Variants in CASKIN1 observed in about 807,000 individuals in gnomAD.
The protein encoded by CASKIN1 is CASK interacting protein 1, also known as caskin-1.
In CASKIN1, 42 loss-of-function variants were observed where a neutral mutation model predicts 117.5. That is an observed-to-expected ratio of 0.36 (90% CI 0.28 to 0.46). The LOEUF is 0.46. Among genes scored for constraint, CASKIN1 ranks in the 20% least tolerant of loss-of-function variants. The pLI, the probability that CASKIN1 is intolerant of heterozygous loss-of-function variation, is 1.00. For missense variants in CASKIN1, 2,083 were observed against 2,077.3 expected, an observed-to-expected ratio of 1.00 and a Z score of -0.05; for synonymous variants, 1,148 against 961.7, an observed-to-expected ratio of 1.19 and a Z score of -3.59.
intron 1 of CASKIN1, 129 bp from the exon 2 acceptor site, chr16:2,190,487 T>TCACTCGTC: frequency 1.2e-6 from 1 of 817,168 alleles, no homozygotes; most frequent in Non-Finnish European, 2.0e-6. Flanking sequence ...CTGCAGACAC[T>TCACTCGTC]CACTCGTCCA....
At chr16:2,194,159 GA>G (rs937861394) in intron 1 of CASKIN1, among the ~76,000 whole-genome samples, 2 of 152,210 alleles carry the variant, frequency 1.3e-5, no homozygotes, top group African/African-American at 4.8e-5. Flanking sequence ...TAGAAGGTGA[GA>G]GGGGGATGGG....
intron 10 of CASKIN1, 92 bp from the exon 11 acceptor site, chr16:2,185,500 C>G (rs941266014): frequency 9.3e-7 from 1 of 1,072,536 alleles, no homozygotes; most frequent in Admixed American, 2.8e-5. Context: ...CAGCCACAGC[C>G]GGGGGTCCTC....
rs2093157999 is a variant in CASKIN1 at position 2,179,370 on chromosome 16, CG to C, written c.3776-46del. ...GGCACCGAGCGGGCACGAGTTCCGCCGCCGCGCCCCCTGCCCCAGCCTCCCG... is the reference window on the plus strand; with the variant it reads ...GGCACCGAGCGGGCACGAGTTCCGCCCCGCGCCCCCTGCCCCAGCCTCCCG... On this transcript the variant is annotated intron_variant, in intron 18 of 19. Transcript: ENST00000343516. The surrounding 1 kb of genome is among the most constrained non-coding windows in gnomAD (Gnocchi z 5.8). 1.1e-5 allele frequency: 14 copies of C among 1,329,122 alleles called. No homozygotes were observed. Among genetic ancestry groups the C allele is most frequent in the Non-Finnish European group, 1.3e-5 (14 of 1,046,056 alleles). The allele number at this position is 1,329,122 out of a possible 1,614,324, so 82.3% of individuals were successfully genotyped here. A position where few individuals can be genotyped will look rare whatever the true frequency, so the allele number is the denominator to read the frequency against.
chr16:2,180,888 G>T lies in CASKIN1; in HGVS notation c.2480C>A (p.Pro827Gln). The T allele has an allele frequency of 6.9e-7, 1 of 1,439,342 alleles. No individual in the cohort carries two copies. The allele number at this position is 1,439,342 out of a possible 1,614,324, so 89.2% of individuals were successfully genotyped here. Residue 827 changes from proline (P) to glutamine (Q), a missense_variant, in exon 18 of 20, where the codon CCG (proline) becomes CAG (glutamine). Pro to Gln is a moderately conservative substitution (Grantham distance 76). Coordinates refer to ENST00000343516, the MANE Select transcript of CASKIN1 (RefSeq NM_020764.4). ...CACGTAGGCAAAGCCGCGGTGCGTC[G>T]GTGACTGAGGCAGGGAGCGGGGTGA... ...PMSPRSLPQS[P>Q]THRGFAYVLP...
rs775900725 is a variant in CASKIN1 at position 2,180,179 on chromosome 16, G to A, written c.3189C>T (p.Arg1063=). ...CGGTGACTGGCCCGCTGAGCGTGCG[G>A]CGCCGGTTCACCACCTCCCCGCCAG... ...IGPGGEVVNR[R]RTLSGPVTGL... The change falls in exon 18 of 20, where the codon CGC becomes CGT. Residue 1063 remains arginine, a synonymous_variant. Transcript: ENST00000343516. 5 of 1,550,302 alleles carry A rather than the reference G, an allele frequency of 3.2e-6. No homozygotes were observed. The highest frequency in any genetic ancestry group is 1.9e-5 in the Admixed American group (1 of 51,412).
In CASKIN1 at chr16:2,180,757, C is replaced by T. The variant is rs1326277251; in HGVS notation, c.2611G>A (p.Ala871Thr). Residue 871 changes from alanine to threonine, a missense_variant, in exon 18 of 20, where the codon GCG becomes ACG. By Grantham distance (58) the Ala-to-Thr change is moderately conservative. Coordinates refer to ENST00000343516, the MANE Select transcript of CASKIN1 (RefSeq NM_020764.4). ...PTLCLPPEADAEPGRPKKRAH... is the reference protein window; with the variant it reads ...PTLCLPPEADTEPGRPKKRAH... ...CGCTTCTTGGGCCGCCCCGGCTCCGCGTCGGCCTCAGGGGGCAGGCACAGT... is the reference window on the plus strand; with the variant it reads ...CGCTTCTTGGGCCGCCCCGGCTCCGTGTCGGCCTCAGGGGGCAGGCACAGT... 2.2e-5 allele frequency: 32 copies of T among 1,435,254 alleles called. No homozygotes were observed. Among genetic ancestry groups the T allele is most frequent in the Admixed American group, 8.5e-5 (3 of 35,170 alleles). The allele number at this position is 1,435,254 out of a possible 1,614,324, so 88.9% of individuals were successfully genotyped here.
chr16:2,194,130 G>A (rs1406696944), intron 1 of CASKIN1, among the ~76,000 whole-genome samples: 2 of 152,180 alleles, frequency 1.3e-5, no homozygotes, highest in African/African-American at 2.4e-5. Flanking sequence ...AGGCTAGAAG[G>A]GAGCTACTAG....
rs771832154 is a variant in CASKIN1, at chr16:2,181,377, G to T, written c.1991C>A (p.Ala664Asp). 6.2e-7 allele frequency: 1 copy of T among 1,609,086 alleles called. No individual in the cohort carries two copies. Among genetic ancestry groups the T allele is most frequent in the Non-Finnish European group, 8.5e-7 (1 of 1,178,988 alleles). ...CCCCACCTCAGCCGGGCCAGTCATGGCAGCCTGCAGCTCGTCACTGAGCTC... is the reference window on the plus strand; with the variant it reads ...CCCCACCTCAGCCGGGCCAGTCATGTCAGCCTGCAGCTCGTCACTGAGCTC... The part of the protein sequence containing the change: ...DSELSDELQA[A>D]MTGPAEVGPT... The change falls in exon 18 of 20, where the codon GCC (alanine) becomes GAC (aspartate). Residue 664 changes from alanine to aspartate, a missense_variant. Ala to Asp is a moderately radical substitution (Grantham distance 126, BLOSUM62 -2). Transcript: ENST00000343516.
At chr16:2,192,540 C>T (rs112832985) in intron 1 of CASKIN1, among the ~76,000 whole-genome samples, 2 of 152,152 alleles carry the variant, frequency 1.3e-5, no homozygotes, top group African/African-American at 2.4e-5. Flanking sequence ...TCCAACATAT[C>T]GGCTGCCCTG....
In CASKIN1 at chr16:2,181,771, G is replaced by A. The variant is rs780343708; in HGVS notation, c.1768+20C>T. The A allele has an allele frequency of 9.1e-5, 147 of 1,610,074 alleles. No individual in the cohort carries two copies. The highest frequency in any genetic ancestry group is 6.0e-4 in the South Asian group (55 of 91,044). ...GGCTGAGGGTTGGGCTGGGGACGAG[G>A]GCTGGGGCTGGGGCCTCACCCAGCT... On this transcript the variant is annotated intron_variant, in intron 17 of 19. Coordinates refer to ENST00000343516, the MANE Select transcript of CASKIN1 (RefSeq NM_020764.4).
At position 2,181,265 on chromosome 16, in the gene CASKIN1, C is replaced by T. The variant is rs781423025; in HGVS notation, c.2103G>A (p.Arg701=). 2.7e-5 allele frequency: 44 copies of T among 1,600,116 alleles called. No individual in the cohort carries two copies. The highest frequency in any genetic ancestry group is 3.7e-5 in the Non-Finnish European group (44 of 1,178,666). Residue 701 remains arginine (R), a synonymous_variant, in exon 18 of 20, where the codon CGG becomes CGA. Transcript: ENST00000343516. The part of the protein sequence containing the change: ...RQDSSLGGRA[R]HMSSSQELLG... ...GCAGCTCCTGCGAGCTGCTCATGTG[C>T]CGTGCCCGACCACCCAGGCTGGAGT...
At position 2,179,730 on chromosome 16, in the gene CASKIN1, G is replaced by A. The variant is rs770118163; in HGVS notation, c.3638C>T (p.Pro1213Leu). 1.9e-6 allele frequency: 3 copies of A among 1,547,054 alleles called. No individual in the cohort carries two copies. Among genetic ancestry groups the A allele is most frequent in the African/African-American group, 2.7e-5 (2 of 73,398 alleles). ...TDLAHLPPLPPPEGEARKPAK... is the reference protein window; with the variant it reads ...TDLAHLPPLPLPEGEARKPAK... Reference sequence around the variant, plus strand: ...CGGCTTCCGGGCTTCGCCCTCGGGCGGGGGCAATGGGGGTAGGTGCGCCAG... The same window carrying A: ...CGGCTTCCGGGCTTCGCCCTCGGGCAGGGGCAATGGGGGTAGGTGCGCCAG... The change falls in exon 18 of 20, where the codon CCG (proline) becomes CTG (leucine). Residue 1213 changes from proline to leucine, a missense_variant. Around this residue, in one of 3 missense-constraint regions of CASKIN1, gnomAD observed 1,818 missense variants for 1,688.9 expected, o/e 1.08. Transcript: ENST00000343516. This position sits in a 1 kb window ranked among gnomAD's most constrained non-coding sequence, Gnocchi z 5.8.
Position 2,187,052 on chromosome 16 carries a change from C to A in CASKIN1, c.856G>T (p.Val286Phe), listed in dbSNP as rs750728705. 6.2e-7 allele frequency: 1 copy of A among 1,613,694 alleles called. No individual in the cohort carries two copies. Among genetic ancestry groups the A allele is most frequent in the Admixed American group, 1.7e-5 (1 of 60,032 alleles). Reference sequence around the variant, plus strand: ...TTGCAATAATCCTTGGTCGCCCGGACCTGCAGGGCCGCTGAGGCCTCTGGG... The same window carrying A: ...TTGCAATAATCCTTGGTCGCCCGGAACTGCAGGGCCGCTGAGGCCTCTGGG... Reference protein sequence around the residue: ...LLREASAALQVRATKDYCNNY... With the variant: ...LLREASAALQFRATKDYCNNY... The change falls in exon 9 of 20, where the codon GTC becomes TTC. Residue 286 changes from valine (V) to phenylalanine (F), a missense_variant. This residue lies in a region of CASKIN1 where 1,818 missense variants were observed against 1,688.9 expected (regional missense o/e 1.08). Transcript: ENST00000343516.
intron 3 of CASKIN1, 74 bp downstream of exon 3, chr16:2,189,999 T>A: frequency 2.9e-6 from 4 of 1,365,834 alleles, no homozygotes; most frequent in Non-Finnish European, 4.1e-6. Flanking sequence ...CAGCCAAGGA[T>A]CCATGCAGGC....
chr16:2,180,016 C>T lies in CASKIN1; in HGVS notation c.3352G>A (p.Val1118Met). 1 of 1,598,028 alleles carries T rather than the reference C, an allele frequency of 6.3e-7. No individual in the cohort carries two copies. The highest frequency in any genetic ancestry group is 1.1e-5 in the South Asian group (1 of 89,288). ...AGVEGPPLAK[V>M]EASATLKRRI... ...CTCTTGAGTGTGGCGCTGGCTTCCA[C>T]CTTGGCCAAGGGCGGGCCTTCGACA... The change falls in exon 18 of 20, where the codon GTG (valine) becomes ATG (methionine). Residue 1118 changes from valine to methionine, a missense_variant. Coordinates refer to ENST00000343516, the MANE Select transcript of CASKIN1 (RefSeq NM_020764.4).
chr16:2,178,318 C>A lies in CASKIN1; in HGVS notation c.*232G>T. 2.3e-6 allele frequency: 1 copy of A among 442,614 alleles called. No homozygotes were observed. The highest frequency in any genetic ancestry group is 2.9e-5 in the South Asian group (1 of 34,148). The allele number at this position is 442,614 out of a possible 1,614,324, so 27.4% of individuals were successfully genotyped here. ...GGCAGGAGGCCCAGCAGGTATTGCA[C>A]GGGGAGCAGCAGGTGGGGAGGACCC... On this transcript the variant is annotated 3_prime_UTR_variant, in exon 20 of 20. Coordinates refer to ENST00000343516, the MANE Select transcript of CASKIN1 (RefSeq NM_020764.4).
chr16:2,177,508 G>A lies in CASKIN1; in HGVS notation c.*1042C>T. The A allele has an allele frequency of 4.3e-6, 1 of 233,822 alleles. No individual in the cohort carries two copies. Among genetic ancestry groups the A allele is most frequent in the East Asian group, 6.1e-5 (1 of 16,496 alleles). The allele number at this position is 233,822 out of a possible 1,614,324, so 14.5% of individuals were successfully genotyped here. A position where few individuals can be genotyped will look rare whatever the true frequency, so the allele number is the denominator to read the frequency against. On this transcript the variant is annotated 3_prime_UTR_variant, in exon 20 of 20. Coordinates refer to ENST00000343516, the MANE Select transcript of CASKIN1 (RefSeq NM_020764.4). ...AGGAGACCAGTCAGTACTTCTTGGA[G>A]GGGGCAGGAGGAGAGAGGAAAAGGG... is the stretch of plus-strand genomic sequence containing the variant.
At position 2,190,104 on chromosome 16, in the gene CASKIN1, G is replaced by C. The variant is rs747457786; in HGVS notation, c.213C>G (p.Ala71=). Residue 71 remains alanine, a synonymous_variant, in exon 3 of 20, where the codon GCC becomes GCG. Coordinates refer to ENST00000343516, the MANE Select transcript of CASKIN1 (RefSeq NM_020764.4). The stretch of plus-strand genomic sequence containing the variant: ...TGTCCTTGATGTCCACAGCGGCCTG[G>C]GCCTCCAGCAGCAGGCTGATCAATT... ...NTELISLLLE[A]QAAVDIKDNK... is the part of the protein sequence containing the mutation. 11 of 1,612,852 alleles carry C rather than the reference G, an allele frequency of 6.8e-6. No individual in the cohort carries two copies. In the South Asian group the frequency reaches 1.2e-4, roughly 18 times the overall value.
In CASKIN1 at chr16:2,178,499, C is replaced by T. The variant is rs899928433; in HGVS notation, c.*51G>A. The T allele has an allele frequency of 7.0e-7, 1 of 1,433,898 alleles. No individual in the cohort carries two copies. Among genetic ancestry groups the T allele is most frequent in the Non-Finnish European group, 9.4e-7 (1 of 1,069,300 alleles). 88.8% of individuals were successfully genotyped at this position (1,433,898 alleles called of 1,614,324 possible). A position where few individuals can be genotyped will look rare whatever the true frequency, so the allele number is the denominator to read the frequency against. The stretch of plus-strand genomic sequence containing the variant: ...GACGCGCCCATCCTGAGGTATAGGT[C>T]AGTGTGCGGGGAGGGCCCGGGCGGC... On this transcript the variant is annotated 3_prime_UTR_variant, in exon 20 of 20. Coordinates refer to ENST00000343516, the MANE Select transcript of CASKIN1 (RefSeq NM_020764.4).
Sources: allele counts gnomAD v4.1 joint callset (sites outside exome capture counted in the v4.1 genomes callset), GRCh38; gene constraint gnomAD v4.1.1; regional missense constraint gnomAD v4.1.1; non-coding constraint Gnocchi (gnomAD v3.1); transcripts MANE v1.5; gene names NCBI Gene and HGNC (gene_info 2026-07-23, HGNC 2026-07-21).